NALF1: variants seen among roughly 807,000 people sequenced by gnomAD.
NALF1 encodes the protein NALCN channel auxiliary factor 1.
A neutral mutation model predicts 48.4 loss-of-function variants in NALF1; 3 were observed. The observed-to-expected ratio is 0.06, with a 90% CI of 0.03 to 0.16. NALF1 has a LOEUF of 0.16. Ranked by LOEUF, NALF1 falls within the 10% of genes least tolerant of loss-of-function variation. The probability of loss-of-function intolerance (pLI) is 1.00; values close to 1 mark genes in which losing one functional copy is unlikely to be tolerated. For synonymous variants in NALF1, 262 were observed against 245.7 expected, an observed-to-expected ratio of 1.07 and a Z score of -0.62; for missense variants, 526 against 571.5, an observed-to-expected ratio of 0.92 and a Z score of 0.81.
At chr13:107,542,236 C>G (rs1348090754) in intron 1 of NALF1, among the ~76,000 whole-genome samples, 1 of 152,054 alleles carries the variant, frequency 6.6e-6, no homozygotes, top group Non-Finnish European at 1.5e-5. Flanking sequence ...ACACAATAAA[C>G]CACATATTAT....
chr13:107,244,216 T>C (rs1188981553), intron 1 of NALF1, among the ~76,000 whole-genome samples: 1 of 152,220 alleles, frequency 6.6e-6, no homozygotes, highest in African/African-American at 2.4e-5. Context: ...TTTGGAATTT[T>C]ATAAAATAAA....
At chr13:107,823,069 C>G (rs1879405138) in intron 1 of NALF1, among the ~76,000 whole-genome samples, 1 of 152,132 alleles carries the variant, frequency 6.6e-6, no homozygotes, top group African/African-American at 2.4e-5. Flanking sequence ...ATGCTGTTGT[C>G]AAAAGCATTT....
At chr13:107,758,062 C>T (rs531016977) in intron 1 of NALF1, among the ~76,000 whole-genome samples, 1 of 152,260 alleles carries the variant, frequency 6.6e-6, no homozygotes, top group South Asian at 2.1e-4. Context: ...TTCAACACCA[C>T]CCTTCAAAAG....
chr13:107,346,162 G>A (rs1882767727), intron 1 of NALF1, among the ~76,000 whole-genome samples: 1 of 151,842 alleles, frequency 6.6e-6, no homozygotes, highest in Admixed American at 6.6e-5. Flanking sequence ...TGCGTACTTT[G>A]TTGGGGGCGG....
At chr13:107,568,147 T>C (rs1010573012) in intron 1 of NALF1, among the ~76,000 whole-genome samples, 1 of 152,140 alleles carries the variant, frequency 6.6e-6, no homozygotes, top group Non-Finnish European at 1.5e-5. Context: ...CTGGCTAATT[T>C]ATTTTAATTT....
At chr13:107,812,450 A>T (rs1173880901) in intron 1 of NALF1, among the ~76,000 whole-genome samples, 1 of 152,152 alleles carries the variant, frequency 6.6e-6, no homozygotes, top group Admixed American at 6.5e-5. Context: ...TACAACATTG[A>T]CATATTTTAT....
chr13:107,271,217 A>T (rs1412334933), intron 1 of NALF1, among the ~76,000 whole-genome samples: 1 of 152,148 alleles, frequency 6.6e-6, no homozygotes, highest in African/African-American at 2.4e-5. Context: ...TAAAGTTACT[A>T]ATCATTTGAC....
chr13:107,472,535 A>G (rs1315359260), intron 1 of NALF1, among the ~76,000 whole-genome samples: 1 of 152,116 alleles, frequency 6.6e-6, no homozygotes, highest in Non-Finnish European at 1.5e-5. Flanking sequence ...GTGCCATCTA[A>G]TCAGCTGCCA....
At chr13:107,281,081 T>C (rs1881376980) in intron 1 of NALF1, among the ~76,000 whole-genome samples, 1 of 152,220 alleles carries the variant, frequency 6.6e-6, no homozygotes, top group Admixed American at 6.5e-5. Context: ...CCTACAAATA[T>C]TCATTGGTGA....
intron 1 of NALF1, among the ~76,000 whole-genome samples, chr13:107,536,433 C>T (rs1467309195): frequency 6.6e-6 from 1 of 152,156 alleles, no homozygotes; most frequent in Non-Finnish European, 1.5e-5. Flanking sequence ...TGAACAGACA[C>T]TTCTCAAAAG....
intron 1 of NALF1, among the ~76,000 whole-genome samples, chr13:107,642,960 A>G (rs1880200616): frequency 6.6e-6 from 1 of 152,204 alleles, no homozygotes; most frequent in Non-Finnish European, 1.5e-5. Flanking sequence ...CCTAATTTCC[A>G]CATGGATGAG....
intron 1 of NALF1, among the ~76,000 whole-genome samples, chr13:107,558,924 A>C (rs2138391569): frequency 6.6e-6 from 1 of 152,258 alleles, no homozygotes; most frequent in Middle Eastern, 3.4e-3. Flanking sequence ...TTTTGGACTC[A>C]GACTGGGACC....
intron 1 of NALF1, among the ~76,000 whole-genome samples, chr13:107,555,461 T>G (rs1379508025): frequency 7.2e-6 from 1 of 139,492 alleles, no homozygotes; most frequent in Non-Finnish European, 1.5e-5. Context: ...TTTTTTTTTT[T>G]TTTTTGTATT....
intron 1 of NALF1, among the ~76,000 whole-genome samples, chr13:107,595,430 T>C (rs1265165502): frequency 6.6e-6 from 1 of 152,116 alleles, no homozygotes; most frequent in Non-Finnish European, 1.5e-5. Context: ...CTGATGGCAC[T>C]AGAAACACAG....
intron 1 of NALF1, among the ~76,000 whole-genome samples, chr13:107,630,007 T>A (rs1879788924): frequency 6.6e-6 from 1 of 152,150 alleles, no homozygotes; most frequent in African/African-American, 2.4e-5. Context: ...TTGTCTAATC[T>A]ATCATCTATC....
intron 1 of NALF1, among the ~76,000 whole-genome samples, chr13:107,720,346 T>TA (rs1347691240): frequency 1.3e-5 from 2 of 151,616 alleles, no homozygotes; most frequent in Non-Finnish European, 2.9e-5. Flanking sequence ...ACGTCTCTAC[T>TA]AAAAAAATAC....
intron 1 of NALF1, among the ~76,000 whole-genome samples, chr13:107,325,847 C>T (rs768166467): frequency 0.24 from 9,441 of 39,472 alleles, 691 homozygotes; most frequent in South Asian, 0.33. Context: ...TCTCAACACA[C>T]ACACACACAT....
intron 1 of NALF1, among the ~76,000 whole-genome samples, chr13:107,705,589 G>T (rs968220268): frequency 6.6e-6 from 1 of 151,832 alleles, no homozygotes; most frequent in Non-Finnish European, 1.5e-5. Flanking sequence ...AAACAATACC[G>T]ATTTGTCATT....
chr13:107,793,854 TTTTA>T lies in NALF1; in HGVS notation c.915+71824_915+71827del, dbSNP rs1373330205. Among the ~76,000 whole-genome samples, 2 of 152,140 alleles carry T rather than the reference TTTTA, an allele frequency of 1.3e-5. 1 individual carries two copies. The highest frequency in any genetic ancestry group is 3.9e-4 in the East Asian group (2 of 5,186). On this transcript the variant is annotated intron_variant, in intron 1 of 2. Transcript: ENST00000375915. ...CAATGAATCACTAAAAGTTTTTTTT[TTTTA>T]TTTTAGTCTTTGAAAGTTGCTTGAA...
Sources: allele counts gnomAD v4.1 joint callset (sites outside exome capture counted in the v4.1 genomes callset), GRCh38; gene constraint gnomAD v4.1.1; transcripts MANE v1.5; gene names NCBI Gene and HGNC (gene_info 2026-07-23, HGNC 2026-07-21).